BACE1: variants seen among roughly 807,000 people sequenced by gnomAD.
BACE1 encodes the protein APP beta-secretase.
Under a neutral mutation model 54.0 loss-of-function variants are expected in BACE1, and 21 were observed. That is an observed-to-expected ratio of 0.39 (90% CI 0.28 to 0.56). The LOEUF (loss-of-function observed/expected upper bound fraction) is 0.56, where lower values mean the gene tolerates loss of function less well. Ranked by LOEUF, BACE1 falls within the 20% of genes least tolerant of loss-of-function variation. BACE1 has a pLI of 0.63. For synonymous variants in BACE1, 232 were observed against 260.9 expected, an observed-to-expected ratio of 0.89 and a Z score of 1.07; for missense variants, 511 against 661.2, an observed-to-expected ratio of 0.77 and a Z score of 2.49.
At chr11:117,311,503 C>G (rs2034942410) in intron 1 of BACE1, among the ~76,000 whole-genome samples, 1 of 152,162 alleles carries the variant, frequency 6.6e-6, no homozygotes, top group Admixed American at 6.5e-5. Flanking sequence ...CCCACCTGCC[C>G]TGGCACGTTC....
chr11:117,295,318 C>G lies in BACE1; in HGVS notation c.380G>C (p.Gly127Ala). 2 of 1,614,030 alleles carry G rather than the reference C, an allele frequency of 1.2e-6. No homozygotes were observed. Among genetic ancestry groups the G allele is most frequent in the South Asian group, 2.2e-5 (2 of 91,086 alleles). The change falls in exon 3 of 9, where the codon GGT becomes GCT. Residue 127 changes from glycine to alanine, a missense_variant. Around this residue, in one of 2 missense-constraint regions of BACE1, gnomAD observed 407 missense variants for 565.7 expected, o/e 0.72. Transcript: ENST00000313005. ...GCCCTGGGTGTAGGGCACATACACA[C>G]CCTTCCGGAGGTCCCGGTATGTGCT... ...LSSTYRDLRK[G>A]VYVPYTQGKW...
intron 1 of BACE1, among the ~76,000 whole-genome samples, chr11:117,307,973 A>T (rs2034868018): frequency 6.6e-6 from 1 of 151,658 alleles, no homozygotes; most frequent in African/African-American, 2.4e-5. Context: ...ACTCTTTTTT[A>T]AAAAAATATA....
chr11:117,305,561 G>A (rs1039292225), intron 1 of BACE1, among the ~76,000 whole-genome samples: 1 of 151,558 alleles, frequency 6.6e-6, no homozygotes, highest in African/African-American at 2.4e-5. Flanking sequence ...GTCCCAATGT[G>A]GCTGGGTCGC....
rs763317905 is a variant in BACE1 at position 117,289,706 on chromosome 11, T to C, written c.1366A>G (p.Met456Val). Reference sequence around the variant, plus strand: ...GCAGCCATGACATAGGCTATGGTCATGAGGGTTGACTCATCTGTCTGTGGA... The same window carrying C: ...GCAGCCATGACATAGGCTATGGTCACGAGGGTTGACTCATCTGTCTGTGGA... ...NIPQTDESTL[M>V]TIAYVMAAIC... Residue 456 changes from methionine (M) to valine (V), a missense_variant, in exon 9 of 9, where the codon ATG becomes GTG. Transcript: ENST00000313005. The C allele has an allele frequency of 5.0e-6, 8 of 1,614,114 alleles. No individual in the cohort carries two copies. In the African/African-American group the frequency reaches 9.3e-5, roughly 19 times the overall value.
chr11:117,303,383 C>T (rs1474617875), intron 1 of BACE1, among the ~76,000 whole-genome samples: 1 of 152,184 alleles, frequency 6.6e-6, no homozygotes, highest in African/African-American at 2.4e-5. Flanking sequence ...ATGGGAAGTG[C>T]TAACAAGCCC....
At chr11:117,310,214 C>T (rs1190113575) in intron 1 of BACE1, among the ~76,000 whole-genome samples, 2 of 151,930 alleles carry the variant, frequency 1.3e-5, no homozygotes, top group South Asian at 2.1e-4. Flanking sequence ...CTGGCCCTTT[C>T]GTTTAAAAGA....
At chr11:117,292,009 C>T (rs1210207191) in intron 5 of BACE1, 196 bp from the exon 6 acceptor site, 2 of 432,858 alleles carry the variant, frequency 4.6e-6, no homozygotes, top group Non-Finnish European at 8.5e-6. Context: ...TAGCACCTAC[C>T]TCAAAGGGTT....
At chr11:117,302,606 G>C (rs543199460) in intron 1 of BACE1, among the ~76,000 whole-genome samples, 5 of 152,342 alleles carry the variant, frequency 3.3e-5, no homozygotes, top group Non-Finnish European at 5.9e-5. Context: ...TTCCAGGCCA[G>C]GCGCGGTGGC....
intron 5 of BACE1, 80 bp from the exon 6 acceptor site, chr11:117,291,893 GC>G: frequency 9.2e-7 from 1 of 1,085,310 alleles, no homozygotes. Flanking sequence ...TACTGCTGGG[GC>G]CCCAGCTGGG....
intron 1 of BACE1, among the ~76,000 whole-genome samples, chr11:117,298,609 C>G (rs533149834): frequency 8.5e-5 from 13 of 152,322 alleles, no homozygotes; most frequent in Admixed American, 3.3e-4. Flanking sequence ...GCGTGTGGTT[C>G]TGTCCCTGCC....
At chr11:117,311,285 C>T (rs1020721179) in intron 1 of BACE1, among the ~76,000 whole-genome samples, 1 of 152,052 alleles carries the variant, frequency 6.6e-6, no homozygotes, top group East Asian at 1.9e-4. Context: ...ACGATTGTGC[C>T]CCTGTACTCC....
At chr11:117,298,865 G>A (rs2034658944) in intron 1 of BACE1, among the ~76,000 whole-genome samples, 2 of 152,178 alleles carry the variant, frequency 1.3e-5, no homozygotes, top group South Asian at 4.1e-4. Flanking sequence ...GAGTGCAATG[G>A]CGCGATCTCG....
In BACE1 at chr11:117,315,983, C is replaced by A; in HGVS notation, c.-188G>T. 1 of 506,168 alleles carries A rather than the reference C, an allele frequency of 2.0e-6. No homozygotes were observed. The highest frequency in any genetic ancestry group is 5.8e-5 in the South Asian group (1 of 17,200). 31.4% of individuals were successfully genotyped at this position (506,168 alleles called of 1,614,324 possible). A position where few individuals can be genotyped will look rare whatever the true frequency, so the allele number is the denominator to read the frequency against. Reference sequence around the variant, plus strand: ...GCTGTGGAGAGCGGTCAGGGGAGATCCGCAGAGCACGGGAGCAGGGGAGAG... The same window carrying A: ...GCTGTGGAGAGCGGTCAGGGGAGATACGCAGAGCACGGGAGCAGGGGAGAG... On this transcript the variant is annotated 5_prime_UTR_variant, in exon 1 of 9. Coordinates refer to ENST00000313005, the MANE Select transcript of BACE1 (RefSeq NM_012104.6). The surrounding 1 kb of genome is among the most constrained non-coding windows in gnomAD (Gnocchi z 5.5).
chr11:117,299,832 CT>C (rs1422590455), intron 1 of BACE1: 1 of 264,356 alleles, frequency 3.8e-6, no homozygotes, highest in African/African-American at 2.4e-5. Flanking sequence ...CAGGACTCAG[CT>C]CCCAGCATGG....
Position 117,293,189 on chromosome 11 carries a change from C to G in BACE1, c.706-1G>C. 1 of 1,611,954 alleles carries G rather than the reference C, an allele frequency of 6.2e-7. No individual in the cohort carries two copies. Among genetic ancestry groups the G allele is most frequent in the Non-Finnish European group, 8.5e-7 (1 of 1,179,284 alleles). ...GCGAGTGGTCGATACCTCCAATGAT[C>G]TAGGGAAAAAAAGAGGCAGGTACCC... On this transcript the variant is annotated splice_acceptor_variant, in intron 4 of 8. Transcript: ENST00000313005. LOFTEE classifies it high-confidence loss of function. The surrounding 1 kb of genome is among the most constrained non-coding windows in gnomAD (Gnocchi z 4.1).
intron 6 of BACE1, 102 bp downstream of exon 6, chr11:117,291,610 G>A (rs1226831429): frequency 1.2e-6 from 1 of 822,270 alleles, no homozygotes; most frequent in Admixed American, 2.0e-5. Context: ...TGAGTAGAAG[G>A]GTCTAAGTGC....
At chr11:117,296,394 C>T (rs2034600548) in intron 2 of BACE1, among the ~76,000 whole-genome samples, 1 of 152,064 alleles carries the variant, frequency 6.6e-6, no homozygotes, top group African/African-American at 2.4e-5. Context: ...TATGAAAGAC[C>T]CTTTCCTTCA....
In BACE1 at chr11:117,293,034, C is replaced by G; in HGVS notation, c.840+20G>C. 6.2e-7 allele frequency: 1 copy of G among 1,612,644 alleles called. No individual in the cohort carries two copies. Among genetic ancestry groups the G allele is most frequent in the Non-Finnish European group, 8.5e-7 (1 of 1,179,296 alleles). On this transcript the variant is annotated intron_variant, in intron 5 of 8. Coordinates refer to ENST00000313005, the MANE Select transcript of BACE1 (RefSeq NM_012104.6). The surrounding 1 kb of genome is among the most constrained non-coding windows in gnomAD (Gnocchi z 4.1). Reference sequence around the variant, plus strand: ...CTGCCTACCCCCTTATGTTCCCAGGCTCTCCCTTGGTTTTCTTACCTCCTT... The same window carrying G: ...CTGCCTACCCCCTTATGTTCCCAGGGTCTCCCTTGGTTTTCTTACCTCCTT...
At chr11:117,290,434 G>A in intron 8 of BACE1, 54 bp downstream of exon 8, 1 of 1,585,648 alleles carries the variant, frequency 6.3e-7, no homozygotes, top group Non-Finnish European at 8.6e-7. Flanking sequence ...ACTGTTGTTT[G>A]ACAAGGAAAA....
Sources: allele counts gnomAD v4.1 joint callset (sites outside exome capture counted in the v4.1 genomes callset), GRCh38; gene constraint gnomAD v4.1.1; regional missense constraint gnomAD v4.1.1; non-coding constraint Gnocchi (gnomAD v3.1); transcripts MANE v1.5; gene names NCBI Gene and HGNC (gene_info 2026-07-23, HGNC 2026-07-21).